PRR16: variants seen among roughly 807,000 people sequenced by gnomAD.
The protein encoded by PRR16 is protein Largen.
Under a neutral mutation model 18.2 loss-of-function variants are expected in PRR16, and 6 were observed. The ratio of observed to expected loss-of-function variants is 0.33; its 90% CI spans 0.18 to 0.65. The LOEUF is 0.65. Among genes scored for constraint, PRR16 ranks in the 30% least tolerant of loss-of-function variants. The pLI is 0.74. For synonymous variants in PRR16, 151 were observed against 147.8 expected, an observed-to-expected ratio of 1.02 and a Z score of -0.16; for missense variants, 412 against 376.6, an observed-to-expected ratio of 1.09 and a Z score of -0.78.
chr5:120,758,525 G>T, the PRR16 span, among the ~76,000 whole-genome samples: 2 of 152,080 alleles, frequency 1.3e-5, no homozygotes, highest in South Asian at 2.1e-4. Context: ...TGTAATCCCC[G>T]CATATTGAAG....
chr5:120,537,990 A>G (rs1467890588), intron 1 of PRR16, among the ~76,000 whole-genome samples: 1 of 151,540 alleles, frequency 6.6e-6, no homozygotes, highest in Non-Finnish European at 1.5e-5. Flanking sequence ...TTTAGCCGGG[A>G]TGGTCTCAAT....
intron 1 of PRR16, among the ~76,000 whole-genome samples, chr5:120,611,264 A>T (rs1754324525): frequency 6.6e-6 from 1 of 152,198 alleles, no homozygotes; most frequent in South Asian, 2.1e-4. Context: ...TTGCAGCCTG[A>T]CTATGTGATG....
chr5:120,702,336 G>A, the PRR16 span, among the ~76,000 whole-genome samples: 1 of 151,896 alleles, frequency 6.6e-6, no homozygotes, highest in Non-Finnish European at 1.5e-5. Context: ...TAAGGGATTG[G>A]GGCGCAGAGA....
intron 1 of PRR16, among the ~76,000 whole-genome samples, chr5:120,594,092 A>C (rs1207183416): frequency 6.6e-6 from 1 of 152,156 alleles, no homozygotes. Flanking sequence ...ACACTGGCAC[A>C]AGATAAGGAT....
chr5:120,742,156 C>T, the PRR16 span, among the ~76,000 whole-genome samples: 24 of 151,690 alleles, frequency 1.6e-4, no homozygotes, highest in South Asian at 6.2e-4. Context: ...TTACAGAATA[C>T]ATGGGTTTTG....
rs577390812 is a variant in PRR16 at position 120,496,327 on chromosome 5, C to G, written c.159+31682C>G. On this transcript the variant is annotated intron_variant, in intron 1 of 1. Transcript: ENST00000407149. ...TAGTAGAATTCCCCAGTGAAACCCTCTGGAACTGCAGATTTTCTTACTTAG... is the reference window on the plus strand; with the variant it reads ...TAGTAGAATTCCCCAGTGAAACCCTGTGGAACTGCAGATTTTCTTACTTAG... 1.3e-3 allele frequency among the ~76,000 whole-genome samples: 205 copies of G among 152,140 alleles called. 1 individual carries two copies. Among genetic ancestry groups the G allele is most frequent in the African/African-American group, 4.7e-3 (197 of 41,562 alleles).
At chr5:120,503,185 T>G (rs1218609408) in intron 1 of PRR16, among the ~76,000 whole-genome samples, 1 of 152,180 alleles carries the variant, frequency 6.6e-6, no homozygotes, top group African/African-American at 2.4e-5. Context: ...TTAAAAAATC[T>G]TAAGTCTTGC....
At chr5:120,749,856 T>C in the PRR16 span, among the ~76,000 whole-genome samples, 2 of 152,282 alleles carry the variant, frequency 1.3e-5, no homozygotes, top group South Asian at 2.1e-4. Flanking sequence ...AGTATTTTCA[T>C]GTTGAAATGT....
chr5:120,552,844 T>C (rs1752295731), intron 1 of PRR16, among the ~76,000 whole-genome samples: 1 of 151,894 alleles, frequency 6.6e-6, no homozygotes, highest in African/African-American at 2.4e-5. Flanking sequence ...GGCACACATT[T>C]CCTATTGACT....
At chr5:120,507,979 C>T (rs997579564) in intron 1 of PRR16, among the ~76,000 whole-genome samples, 1 of 152,116 alleles carries the variant, frequency 6.6e-6, no homozygotes, top group Non-Finnish European at 1.5e-5. Context: ...ACATCAGAAC[C>T]TCACTTTGGT....
At chr5:120,626,294 C>T (rs931427175) in intron 1 of PRR16, among the ~76,000 whole-genome samples, 2 of 152,072 alleles carry the variant, frequency 1.3e-5, no homozygotes, top group Non-Finnish European at 2.9e-5. Flanking sequence ...TAAACAACTG[C>T]TGACACATGC....
chr5:120,636,769 A>G (rs532169104), intron 1 of PRR16, among the ~76,000 whole-genome samples: 1 of 152,284 alleles, frequency 6.6e-6, no homozygotes, highest in South Asian at 2.1e-4. Context: ...AACAAAAACG[A>G]AGAAAAATAG....
At chr5:120,490,481 G>T (rs576776715) in intron 1 of PRR16, among the ~76,000 whole-genome samples, 4 of 152,206 alleles carry the variant, frequency 2.6e-5, no homozygotes, top group Middle Eastern at 3.4e-3. Context: ...CGTGGTTCTC[G>T]TGCCGTGGTT....
Position 120,590,153 on chromosome 5 carries a change from A to G in PRR16, c.160-95801A>G, listed in dbSNP as rs1284024432. Reference sequence around the variant, plus strand: ...GATTATAAACAAAACCTAAATAACAATATTGAATGCTGTATTACCTTAACA... The same window carrying G: ...GATTATAAACAAAACCTAAATAACAGTATTGAATGCTGTATTACCTTAACA... On this transcript the variant is annotated intron_variant, in intron 1 of 1. Transcript: ENST00000407149. Among the ~76,000 whole-genome samples, 6 of 151,816 alleles carry G rather than the reference A, an allele frequency of 4.0e-5. No individual in the cohort carries two copies. The South Asian group carries it at 1.3e-3, about 32-fold the overall frequency.
the PRR16 span, among the ~76,000 whole-genome samples, chr5:120,755,843 A>G: frequency 6.6e-6 from 1 of 152,136 alleles, no homozygotes; most frequent in Non-Finnish European, 1.5e-5. Flanking sequence ...AAAAGCAACA[A>G]AAGAATAAAG....
intron 1 of PRR16, among the ~76,000 whole-genome samples, chr5:120,669,275 C>A (rs950433149): frequency 1.3e-5 from 2 of 151,922 alleles, no homozygotes; most frequent in Non-Finnish European, 2.9e-5. Context: ...CTCTGAAAAC[C>A]GTAGGAAAAG....
intron 1 of PRR16, among the ~76,000 whole-genome samples, chr5:120,562,410 G>A (rs1752604109): frequency 6.6e-6 from 1 of 152,076 alleles, no homozygotes; most frequent in South Asian, 2.1e-4. Flanking sequence ...ACAGATTACT[G>A]TGACTTTTTT....
chr5:120,533,827 C>T (rs994220699), intron 1 of PRR16, among the ~76,000 whole-genome samples: 1 of 152,184 alleles, frequency 6.6e-6, no homozygotes, highest in Non-Finnish European at 1.5e-5. Flanking sequence ...GGTAGAACAA[C>T]ACATGACACG....
intron 1 of PRR16, among the ~76,000 whole-genome samples, chr5:120,649,062 G>A (rs1400053416): frequency 2.0e-5 from 3 of 151,988 alleles, no homozygotes; most frequent in Non-Finnish European, 4.4e-5. Context: ...TTAACAATTG[G>A]CTCACAAATT....
Sources: gnomAD v4.1 joint callset for allele counts (sites outside exome capture counted in the v4.1 genomes callset) on GRCh38, gnomAD v4.1.1 for gene constraint, MANE v1.5 for transcripts, NCBI Gene and HGNC (gene_info 2026-07-23, HGNC 2026-07-21) for gene names.